DNAH9: variants seen among roughly 807,000 people sequenced by gnomAD.
The protein encoded by DNAH9 is dynein axonemal heavy chain 9.
DNAH9 carries 345 observed loss-of-function variants against 471.6 expected under a neutral mutation model. The observed-to-expected ratio is 0.73, with a 90% CI of 0.67 to 0.80. The LOEUF (loss-of-function observed/expected upper bound fraction) is 0.80, where lower values mean the gene tolerates loss of function less well. Ranked by LOEUF, DNAH9 falls within the 30% of genes least tolerant of loss-of-function variation. The pLI is 0.00. For missense variants in DNAH9, 5,407 were observed against 5,609.2 expected, an observed-to-expected ratio of 0.96 and a Z score of 1.15; for synonymous variants, 2,093 against 2,123.6, an observed-to-expected ratio of 0.99 and a Z score of 0.40.
chr17:11,628,109 A>G (rs2073001850), intron 6 of DNAH9, among the ~76,000 whole-genome samples: 1 of 152,222 alleles, frequency 6.6e-6, no homozygotes, highest in Admixed American at 6.5e-5. Context: ...CACAAAGGGA[A>G]CTTTTACTGT....
Position 11,880,148 on chromosome 17 carries a change from A to G in DNAH9, c.10549A>G (p.Ile3517Val), listed in dbSNP as rs746054593. 1 of 1,614,044 alleles carries G rather than the reference A, an allele frequency of 6.2e-7. No individual in the cohort carries two copies. The highest frequency in any genetic ancestry group is 1.1e-5 in the South Asian group (1 of 91,068). The change falls in exon 54 of 69, where the codon ATT (isoleucine) becomes GTT (valine). Residue 3517 changes from isoleucine (I) to valine (V), a missense_variant. This residue lies in a region of DNAH9 where 4,636 missense variants were observed against 4,900.3 expected (regional missense o/e 0.95). Transcript: ENST00000262442. ...VVLIENLEES[I>V]DPVLGPLLGR... ...GCTGATTGAAAATCTAGAGGAGTCC[A>G]TTGATCCTGTTCTGGGACCCCTGCT...
chr17:11,848,966 A>G (rs2150965669), intron 49 of DNAH9, among the ~76,000 whole-genome samples: 1 of 151,996 alleles, frequency 6.6e-6, no homozygotes, highest in Middle Eastern at 3.4e-3. Context: ...CCTCCCAAGT[A>G]GCTGGGACTA....
At chr17:11,905,619 T>A (rs1016932227) in intron 60 of DNAH9, 42 bp from the exon 61 acceptor site, 1 of 1,583,438 alleles carries the variant, frequency 6.3e-7, no homozygotes, top group East Asian at 2.2e-5. Context: ...ATTTTGTGGC[T>A]GCTATATATG....
At chr17:11,829,044 G>A (rs1970599717) in intron 48 of DNAH9, among the ~76,000 whole-genome samples, 1 of 152,182 alleles carries the variant, frequency 6.6e-6, no homozygotes, top group Admixed American at 6.5e-5. Flanking sequence ...CGAGCTCAGA[G>A]TGGGGGTGGA....
intron 61 of DNAH9, among the ~76,000 whole-genome samples, 198 bp from the exon 62 acceptor site, chr17:11,923,616 G>T (rs1304768368): frequency 2.6e-5 from 4 of 152,138 alleles, no homozygotes; most frequent in African/African-American, 9.7e-5. Context: ...CGGCTCAAGT[G>T]CTTCCTTTTA....
intron 50 of DNAH9, among the ~76,000 whole-genome samples, chr17:11,866,184 G>C (rs1597756240): frequency 6.6e-6 from 1 of 150,774 alleles, no homozygotes; most frequent in African/African-American, 2.4e-5. Flanking sequence ...GTGATGTACA[G>C]ATGGGTTTTT....
chr17:11,888,274 C>A (rs1394943020), intron 57 of DNAH9, among the ~76,000 whole-genome samples: 5 of 152,152 alleles, frequency 3.3e-5, no homozygotes, highest in Admixed American at 2.0e-4. Flanking sequence ...TGAGCCACTG[C>A]ACCCGGTCCC....
chr17:11,753,058 TG>T, intron 33 of DNAH9, 98 bp downstream of exon 33: 1 of 1,023,382 alleles, frequency 9.8e-7, no homozygotes, highest in Non-Finnish European at 1.4e-6. Flanking sequence ...TTCCACATGA[TG>T]GCTGGCTCAG....
At chr17:11,956,005 A>T (rs1461861282) in intron 67 of DNAH9, among the ~76,000 whole-genome samples, 2 of 152,238 alleles carry the variant, frequency 1.3e-5, no homozygotes, top group African/African-American at 4.8e-5. Flanking sequence ...TCTAGATGCC[A>T]GCCACAGGCC....
intron 65 of DNAH9, among the ~76,000 whole-genome samples, chr17:11,934,434 C>CCTTTTT (rs1567560864): frequency 1.9e-5 from 2 of 103,086 alleles, no homozygotes; most frequent in Non-Finnish European, 4.4e-5. Context: ...TTGACAAACC[C>CCTTTTT]ATTTTTTTTT....
At chr17:11,845,368 G>A (rs1971185823) in intron 49 of DNAH9, among the ~76,000 whole-genome samples, 1 of 149,312 alleles carries the variant, frequency 6.7e-6, no homozygotes, top group African/African-American at 2.5e-5. Context: ...GTATTCCATG[G>A]TGTATATGTG....
chr17:11,695,805 C>T (rs1201217379), intron 22 of DNAH9, among the ~76,000 whole-genome samples: 2 of 152,168 alleles, frequency 1.3e-5, no homozygotes, highest in Non-Finnish European at 2.9e-5. Context: ...GGTCTAGGGA[C>T]TACACTATGA....
intron 50 of DNAH9, among the ~76,000 whole-genome samples, chr17:11,855,971 A>C (rs999194679): frequency 6.6e-6 from 1 of 152,154 alleles, no homozygotes; most frequent in African/African-American, 2.4e-5. Flanking sequence ...AAAGGATGTG[A>C]TGTGTATAAA....
At chr17:11,757,456 T>A in intron 34 of DNAH9, 89 bp from the exon 35 acceptor site, 1 of 1,249,024 alleles carries the variant, frequency 8.0e-7, no homozygotes, top group South Asian at 1.4e-5. Flanking sequence ...CTTCTGTACA[T>A]TTTCCAAACA....
Position 11,959,394 on chromosome 17 carries a change from CTATT to C in DNAH9, c.12844-2470_12844-2467del, listed in dbSNP as rs150373391. On this transcript the variant is annotated intron_variant, in intron 67 of 68. Transcript: ENST00000262442. ...TAATGTTATTTTATTAAATAATCAG[CTATT>C]TAAAGGGAAACAATTATTACATAAG... Among the ~76,000 whole-genome samples the C allele has an allele frequency of 2.6e-3, 398 of 152,200 alleles. 3 individuals are homozygous for C. Among genetic ancestry groups the C allele is most frequent in the Non-Finnish European group, 3.8e-3 (257 of 68,014 alleles).
intron 48 of DNAH9, among the ~76,000 whole-genome samples, chr17:11,831,149 G>T (rs1970674011): frequency 6.6e-6 from 1 of 152,140 alleles, no homozygotes; most frequent in South Asian, 2.1e-4. Context: ...CGTTTATATT[G>T]CTATAAAGGA....
chr17:11,752,850 A>G lies in DNAH9; in HGVS notation c.6628A>G (p.Met2210Val). The G allele has an allele frequency of 6.3e-7, 1 of 1,599,908 alleles. No homozygotes were observed. The highest frequency in any genetic ancestry group is 1.8e-5 in the Admixed American group (1 of 56,472). The change falls in exon 33 of 69, where the codon ATG becomes GTG. Residue 2210 changes from methionine to valine, a missense_variant. By Grantham distance (21) the Met-to-Val change is conservative. Transcript: ENST00000262442. The stretch of plus-strand genomic sequence containing the variant: ...CCTTTTAGGATTGTTCTCTTCCATC[A>G]TGCGGGAGCTTGCCAACATCACCCA... Reference protein sequence around the residue: ...EWKDGLFSSIMRELANITHDG... With the variant: ...EWKDGLFSSIVRELANITHDG...
chr17:11,662,266 T>C (rs2073781047), intron 14 of DNAH9, among the ~76,000 whole-genome samples: 1 of 152,178 alleles, frequency 6.6e-6, no homozygotes, highest in African/African-American at 2.4e-5. Flanking sequence ...TTCAGCACAG[T>C]GATAATATTC....
intron 31 of DNAH9, 141 bp downstream of exon 31, chr17:11,745,225 A>G: frequency 1.4e-6 from 1 of 706,000 alleles, no homozygotes; most frequent in Non-Finnish European, 2.3e-6. Flanking sequence ...ATTCATTTCA[A>G]CCACTCTTAA....
Sources: allele counts gnomAD v4.1 joint callset (sites outside exome capture counted in the v4.1 genomes callset), GRCh38; gene constraint gnomAD v4.1.1; regional missense constraint gnomAD v4.1.1; transcripts MANE v1.5; gene names NCBI Gene and HGNC (gene_info 2026-07-23, HGNC 2026-07-21).